NCKAP5: variants seen among roughly 807,000 people sequenced by gnomAD.
The protein encoded by NCKAP5 is nck-associated protein 5.
In NCKAP5, 92 loss-of-function variants were observed where a neutral mutation model predicts 167.0. The observed-to-expected ratio is 0.55, with a 90% CI of 0.47 to 0.66. The LOEUF is 0.66. Ranked by LOEUF, NCKAP5 falls within the 30% of genes least tolerant of loss-of-function variation. The pLI, the probability that NCKAP5 is intolerant of heterozygous loss-of-function variation, is 0.00. For missense variants in NCKAP5, 2,378 were observed against 2,315.0 expected (o/e 1.03, Z -0.56); for synonymous variants, 891 against 877.4 (o/e 1.02, Z -0.27).
chr2:132,810,248 C>T (rs949094572), intron 11 of NCKAP5, among the ~76,000 whole-genome samples: 11 of 152,160 alleles, frequency 7.2e-5, no homozygotes, highest in Non-Finnish European at 1.5e-4. Context: ...GACAATGTGC[C>T]TAGGCAAAGA....
chr2:133,644,748 T>C, the NCKAP5 span, among the ~76,000 whole-genome samples: 1 of 152,182 alleles, frequency 6.6e-6, no homozygotes, highest in Non-Finnish European at 1.5e-5. Flanking sequence ...CAAGGTACTA[T>C]TTACAATTTT....
At chr2:132,743,387 CA>C (rs1479019749) in intron 16 of NCKAP5, among the ~76,000 whole-genome samples, 1 of 151,516 alleles carries the variant, frequency 6.6e-6, no homozygotes, top group African/African-American at 2.4e-5. Context: ...AGGTTTCTAA[CA>C]TATATAGAAG....
intron 3 of NCKAP5, among the ~76,000 whole-genome samples, chr2:133,362,233 C>G (rs548421323): frequency 6.6e-6 from 1 of 152,142 alleles, no homozygotes; most frequent in African/African-American, 2.4e-5. Flanking sequence ...TCAAGACAAA[C>G]GATCACCGTG....
chr2:132,690,763 T>C (rs966119564), intron 19 of NCKAP5, among the ~76,000 whole-genome samples: 4 of 152,180 alleles, frequency 2.6e-5, no homozygotes, highest in Non-Finnish European at 5.9e-5. Context: ...GGCAGAAGCC[T>C]GGACAGTAAG....
chr2:133,365,117 C>A (rs1490463733), intron 3 of NCKAP5, among the ~76,000 whole-genome samples: 4 of 152,152 alleles, frequency 2.6e-5, no homozygotes, highest in African/African-American at 9.7e-5. Context: ...GAAACACACA[C>A]ACACACACAA....
intron 4 of NCKAP5, among the ~76,000 whole-genome samples, chr2:133,255,419 C>G (rs1423437264): frequency 2.0e-5 from 3 of 152,112 alleles, no homozygotes; most frequent in Non-Finnish European, 4.4e-5. Flanking sequence ...AAAGCAGAAA[C>G]CCTGTGGTTT....
chr2:133,606,401 C>T, the NCKAP5 span, among the ~76,000 whole-genome samples: 1 of 152,104 alleles, frequency 6.6e-6, no homozygotes, highest in Non-Finnish European at 1.5e-5. Flanking sequence ...TTCATCAAAA[C>T]GTCTTTGGAA....
At chr2:133,167,884 A>T (rs1230187980) in intron 5 of NCKAP5, among the ~76,000 whole-genome samples, 1 of 152,074 alleles carries the variant, frequency 6.6e-6, no homozygotes, top group African/African-American at 2.4e-5. Flanking sequence ...TCTCCATCCA[A>T]TTATTCCCCT....
At chr2:133,030,559 G>A (rs1421420152) in intron 6 of NCKAP5, among the ~76,000 whole-genome samples, 1 of 152,218 alleles carries the variant, frequency 6.6e-6, no homozygotes, top group African/African-American at 2.4e-5. Flanking sequence ...GGAAAAACAA[G>A]TGACTCAAGG....
rs1335574963 is a variant in NCKAP5 at position 132,673,139 on chromosome 2, T to G, written c.*150A>C. ...ATCTGAACTACTCAAAGATGTCTCT[T>G]CATTTTTTTCTTTTTCTTCCTTCTG... On this transcript the variant is annotated 3_prime_UTR_variant, in exon 20 of 20. Transcript: ENST00000409261. 1 of 1,355,166 alleles carries G rather than the reference T, an allele frequency of 7.4e-7. No homozygotes were observed. Among genetic ancestry groups the G allele is most frequent in the African/African-American group, 1.5e-5 (1 of 66,508 alleles). The allele number at this position is 1,355,166 out of a possible 1,614,324, so 83.9% of individuals were successfully genotyped here. A position where few individuals can be genotyped will look rare whatever the true frequency, so the allele number is the denominator to read the frequency against.
At chr2:133,584,912 GT>G in the NCKAP5 span, among the ~76,000 whole-genome samples, 1 of 144,770 alleles carries the variant, frequency 6.9e-6, no homozygotes, top group Non-Finnish European at 1.5e-5. Flanking sequence ...AAGAGAGTAG[GT>G]TTTAGCTGTT....
chr2:133,180,123 C>T (rs2084665368), intron 5 of NCKAP5, among the ~76,000 whole-genome samples: 2 of 151,880 alleles, frequency 1.3e-5, no homozygotes, highest in African/African-American at 4.8e-5. Context: ...AAAACACTTG[C>T]ATTAGGAATC....
At chr2:133,046,019 A>G (rs2149470442) in intron 6 of NCKAP5, among the ~76,000 whole-genome samples, 1 of 152,320 alleles carries the variant, frequency 6.6e-6, no homozygotes, top group South Asian at 2.1e-4. Flanking sequence ...GGACAAAGGG[A>G]TGATTCACAT....
intron 3 of NCKAP5, among the ~76,000 whole-genome samples, chr2:133,405,627 G>A (rs1203972590): frequency 6.6e-6 from 1 of 152,164 alleles, no homozygotes; most frequent in East Asian, 1.9e-4. Context: ...GATTGATTTT[G>A]GGGTTATAAG....
chr2:133,028,705 G>C (rs548517511), intron 6 of NCKAP5, among the ~76,000 whole-genome samples: 12 of 152,300 alleles, frequency 7.9e-5, no homozygotes, highest in Middle Eastern at 3.4e-3. Flanking sequence ...ATATAGTTTA[G>C]ATATGTGTCC....
intron 11 of NCKAP5, among the ~76,000 whole-genome samples, chr2:132,838,492 C>T (rs533005213): frequency 1.2e-4 from 19 of 152,114 alleles, no homozygotes; most frequent in Admixed American, 7.2e-4. Flanking sequence ...ATTAGCCGGG[C>T]GTGGTGGCAG....
At chr2:132,873,637 G>A (rs1160652748) in intron 9 of NCKAP5, among the ~76,000 whole-genome samples, 2 of 152,304 alleles carry the variant, frequency 1.3e-5, no homozygotes, top group East Asian at 1.9e-4. Context: ...GGAAAAGGGT[G>A]AACAGTGAAC....
At chr2:133,030,939 T>C (rs2078859774) in intron 6 of NCKAP5, among the ~76,000 whole-genome samples, 2 of 152,096 alleles carry the variant, frequency 1.3e-5, no homozygotes, top group African/African-American at 4.8e-5. Context: ...CATCTTCACA[T>C]TGCATCCTCC....
At chr2:133,596,403 G>C in the NCKAP5 span, 1 of 152,296 alleles carries the variant, frequency 6.6e-6, no homozygotes, top group Non-Finnish European at 1.5e-5. Flanking sequence ...CATTCTGGGA[G>C]CAGTGATAAG....
Sources: allele counts gnomAD v4.1 joint callset (sites outside exome capture counted in the v4.1 genomes callset), GRCh38; gene constraint gnomAD v4.1.1; transcripts MANE v1.5; gene names NCBI Gene and HGNC (gene_info 2026-07-23, HGNC 2026-07-21).